POU2AF2: variants seen among roughly 807,000 people sequenced by gnomAD.
POU2AF2 encodes the protein POU class 2 homeobox associating factor 2, also known as POU domain class 2-associating factor 2.
the POU2AF2 span, among the ~76,000 whole-genome samples, chr11:111,283,496 G>T: frequency 6.6e-6 from 1 of 152,142 alleles, no homozygotes; most frequent in Non-Finnish European, 1.5e-5. Flanking sequence ...TCTAAAATTG[G>T]CTTCTGTGTG....
At chr11:111,283,931 T>G in the POU2AF2 span, 2 of 778,896 alleles carry the variant, frequency 2.6e-6, no homozygotes, top group Non-Finnish European at 4.3e-6. Flanking sequence ...TTCACGCTTT[T>G]CAAGACATTT....
chr11:111,264,617 AAAGAGAAGAAAGAAAG>A, the POU2AF2 span, among the ~76,000 whole-genome samples: 8 of 85,638 alleles, frequency 9.3e-5, 1 homozygote, highest in Non-Finnish European at 1.9e-4. Flanking sequence ...CGAAAGAAAG[AAAGAGAAGAAAGAAAG>A]AGAAAGAAAG....
At chr11:111,271,713 T>C in the POU2AF2 span, among the ~76,000 whole-genome samples, 1 of 152,188 alleles carries the variant, frequency 6.6e-6, no homozygotes, top group Non-Finnish European at 1.5e-5. Context: ...CATGAACCAC[T>C]GTACCTGGCA....
At chr11:111,276,670 G>T in the POU2AF2 span, among the ~76,000 whole-genome samples, 1 of 147,218 alleles carries the variant, frequency 6.8e-6, no homozygotes, top group Non-Finnish European at 1.5e-5. Flanking sequence ...AAAGATAATG[G>T]TATAAAAGAC....
At chr11:111,286,290 G>A in the POU2AF2 span, 12 of 470,366 alleles carry the variant, frequency 2.6e-5, 1 homozygote, top group Middle Eastern at 1.1e-3. Context: ...CTTACAATGT[G>A]GTCTTTTTGG....
chr11:111,252,116 C>G, the POU2AF2 span, among the ~76,000 whole-genome samples: 1 of 152,204 alleles, frequency 6.6e-6, no homozygotes, highest in African/African-American at 2.4e-5. Context: ...TACAAAGGAT[C>G]CAGCCTGGAC....
chr11:111,264,864 CAGAA>C, the POU2AF2 span, among the ~76,000 whole-genome samples: 652 of 109,076 alleles, frequency 6.0e-3, 4 homozygotes, highest in Admixed American at 0.012. Context: ...AGAAAAGAGA[CAGAA>C]GGAAGGAAGG....
chr11:111,282,674 C>G, the POU2AF2 span, among the ~76,000 whole-genome samples: 1 of 152,284 alleles, frequency 6.6e-6, no homozygotes, highest in East Asian at 1.9e-4. Context: ...TCCTGTGGAA[C>G]GGGCTGGAAT....
At chr11:111,276,325 C>T in the POU2AF2 span, among the ~76,000 whole-genome samples, 2 of 150,786 alleles carry the variant, frequency 1.3e-5, no homozygotes, top group South Asian at 2.1e-4. Context: ...TGGCCGGGCG[C>T]GGTGGCTCCT....
chr11:111,275,663 T>C, the POU2AF2 span, among the ~76,000 whole-genome samples: 5 of 152,172 alleles, frequency 3.3e-5, no homozygotes, highest in Non-Finnish European at 5.9e-5. Context: ...CAAACCACTA[T>C]GAGTGAGTCC....
chr11:111,249,047 GCA>G, the POU2AF2 span, among the ~76,000 whole-genome samples: 5 of 152,220 alleles, frequency 3.3e-5, no homozygotes, highest in East Asian at 9.7e-4. Context: ...GTCCTACAGT[GCA>G]AAAAAACATC....
chr11:111,276,446 AAAAAAAAATATATATATATAT>A, the POU2AF2 span, among the ~76,000 whole-genome samples: 2 of 35,086 alleles, frequency 5.7e-5, no homozygotes, highest in African/African-American at 1.4e-4. Context: ...AAAGAAAAAA[AAAAAAAAATATATATATATAT>A]ATATATATAT....
At chr11:111,272,544 A>T in the POU2AF2 span, among the ~76,000 whole-genome samples, 2 of 152,352 alleles carry the variant, frequency 1.3e-5, no homozygotes, top group East Asian at 3.9e-4. Flanking sequence ...TCACACAGAC[A>T]CACTAACATA....
the POU2AF2 span, among the ~76,000 whole-genome samples, chr11:111,249,045 G>A: frequency 6.6e-6 from 1 of 152,152 alleles, no homozygotes; most frequent in Non-Finnish European, 1.5e-5. Flanking sequence ...CAGTCCTACA[G>A]TGCAAAAAAA....
At chr11:111,255,618 C>T in the POU2AF2 span, among the ~76,000 whole-genome samples, 2 of 152,190 alleles carry the variant, frequency 1.3e-5, no homozygotes, top group African/African-American at 4.8e-5. Flanking sequence ...TAACTTCTAC[C>T]TCATGTATTT....
chr11:111,284,810 C>G, the POU2AF2 span, among the ~76,000 whole-genome samples: 6 of 152,272 alleles, frequency 3.9e-5, 1 homozygote, highest in African/African-American at 1.4e-4. Context: ...TCTTTCTTTC[C>G]AAGTCCCCTG....
chr11:111,267,673 T>C, the POU2AF2 span, among the ~76,000 whole-genome samples: 1,579 of 152,286 alleles, frequency 0.01, 24 homozygotes, highest in African/African-American at 0.036. Context: ...CAGTGAAACA[T>C]AGAGTTTACC....
At chr11:111,255,126 G>A in the POU2AF2 span, among the ~76,000 whole-genome samples, 28 of 152,154 alleles carry the variant, frequency 1.8e-4, no homozygotes, top group Non-Finnish European at 3.8e-4. Flanking sequence ...TTACTCTATA[G>A]TCTGTTATCT....
chr11:111,267,298 C>A, the POU2AF2 span, among the ~76,000 whole-genome samples: 1 of 152,178 alleles, frequency 6.6e-6, no homozygotes, highest in Non-Finnish European at 1.5e-5. Flanking sequence ...TCATTCTCCA[C>A]CACTCCTGGA....
Sources: allele counts gnomAD v4.1 joint callset (sites outside exome capture counted in the v4.1 genomes callset), GRCh38; gene constraint gnomAD v4.1.1; transcripts MANE v1.5; gene names NCBI Gene and HGNC (gene_info 2026-07-23, HGNC 2026-07-21).